ZNF804A: variants seen among roughly 807,000 people sequenced by gnomAD.
The protein encoded by ZNF804A is zinc finger protein 804A.
Under a neutral mutation model 16.5 loss-of-function variants are expected in ZNF804A, and 2 were observed. That is an observed-to-expected ratio of 0.12 (90% CI 0.05 to 0.38). The LOEUF is 0.38. Ranked by LOEUF, ZNF804A falls within the 10% of genes least tolerant of loss-of-function variation. The probability of loss-of-function intolerance (pLI) is 0.99; values close to 1 mark genes in which losing one functional copy is unlikely to be tolerated. For synonymous variants in ZNF804A, 534 were observed against 489.6 expected (o/e 1.09, Z -1.20); for missense variants, 1,473 against 1,390.7 (o/e 1.06, Z -0.94).
At chr2:184,648,885 G>T (rs2105698993) in intron 1 of ZNF804A, among the ~76,000 whole-genome samples, 1 of 152,196 alleles carries the variant, frequency 6.6e-6, no homozygotes. Flanking sequence ...TATTGAGGCA[G>T]AAAATTAACA....
intron 1 of ZNF804A, among the ~76,000 whole-genome samples, chr2:184,741,963 C>T (rs979210089): frequency 2.0e-5 from 3 of 151,924 alleles, no homozygotes; most frequent in African/African-American, 7.2e-5. Context: ...TCATTTTGCA[C>T]TTGTTTATAA....
At chr2:184,797,947 G>A (rs1328380519) in intron 1 of ZNF804A, among the ~76,000 whole-genome samples, 1 of 151,486 alleles carries the variant, frequency 6.6e-6, no homozygotes, top group Non-Finnish European at 1.5e-5. Context: ...GAAAAAGACT[G>A]TATCTTTCTT....
intron 1 of ZNF804A, among the ~76,000 whole-genome samples, chr2:184,838,062 A>G (rs1162355891): frequency 6.6e-6 from 1 of 152,144 alleles, no homozygotes; most frequent in Non-Finnish European, 1.5e-5. Context: ...GCAGGAGTGC[A>G]CGTGGGAGCC....
rs1427338428 is a variant in ZNF804A at position 184,936,914 on chromosome 2, A to G, written c.1518A>G (p.Glu506=). Residue 506 remains glutamate, a synonymous_variant, in exon 4 of 4, where the codon GAA becomes GAG. Coordinates refer to ENST00000302277, the MANE Select transcript of ZNF804A (RefSeq NM_194250.2). ...CAGATTACAAGGATGTATCTACAGA[A>G]GGACTCACTGATTATGAAATTGGAA... The part of the protein sequence containing the change: ...PLSDYKDVST[E]GLTDYEIGSS... 1 of 1,613,968 alleles carries G rather than the reference A, an allele frequency of 6.2e-7. No individual in the cohort carries two copies. The highest frequency in any genetic ancestry group is 1.7e-5 in the Admixed American group (1 of 59,988).
intron 1 of ZNF804A, among the ~76,000 whole-genome samples, chr2:184,728,141 C>T (rs536537524): frequency 1.4e-4 from 21 of 151,700 alleles, no homozygotes; most frequent in African/African-American, 5.1e-4. Flanking sequence ...AAGGTATTTA[C>T]ACATGCTGCT....
intron 2 of ZNF804A, among the ~76,000 whole-genome samples, chr2:184,921,082 G>C (rs891839816): frequency 6.6e-6 from 1 of 152,086 alleles, no homozygotes; most frequent in Non-Finnish European, 1.5e-5. Context: ...GGCCTGGTTG[G>C]TGGGACCACA....
chr2:184,760,255 T>C (rs1284445241), intron 1 of ZNF804A, among the ~76,000 whole-genome samples: 2 of 152,108 alleles, frequency 1.3e-5, no homozygotes, highest in African/African-American at 4.8e-5. Flanking sequence ...TAAATAAACA[T>C]GACTGTTTAT....
At chr2:184,806,347 T>C (rs888927260) in intron 1 of ZNF804A, among the ~76,000 whole-genome samples, 1 of 151,938 alleles carries the variant, frequency 6.6e-6, no homozygotes, top group South Asian at 2.1e-4. Context: ...ATTTAATATG[T>C]TTTTTAGAAT....
Position 184,937,295 on chromosome 2 carries a change from T to C in ZNF804A, c.1899T>C (p.Tyr633=). 1 of 1,613,972 alleles carries C rather than the reference T, an allele frequency of 6.2e-7. No individual in the cohort carries two copies. The highest frequency in any genetic ancestry group is 8.5e-7 in the Non-Finnish European group (1 of 1,179,942). The part of the protein sequence containing the change: ...ENSYTENAGK[Y]LLEPISEKQY... ...GTTACACTGAAAATGCTGGGAAATATCTATTGGAACCAATTTCAGAAAAGC... is the reference window on the plus strand; with the variant it reads ...GTTACACTGAAAATGCTGGGAAATACCTATTGGAACCAATTTCAGAAAAGC... The change falls in exon 4 of 4, where the codon TAT becomes TAC. Residue 633 remains tyrosine (Y), a synonymous_variant. Coordinates refer to ENST00000302277, the MANE Select transcript of ZNF804A (RefSeq NM_194250.2).
intron 2 of ZNF804A, among the ~76,000 whole-genome samples, chr2:184,878,744 G>A (rs1450666517): frequency 1.3e-5 from 2 of 152,008 alleles, no homozygotes; most frequent in African/African-American, 2.4e-5. Flanking sequence ...TTTCACATTT[G>A]TGATGTATAG....
At chr2:184,605,427 C>T (rs1375752445) in intron 1 of ZNF804A, among the ~76,000 whole-genome samples, 1 of 152,000 alleles carries the variant, frequency 6.6e-6, no homozygotes, top group Admixed American at 6.5e-5. Flanking sequence ...GAAAATGTTA[C>T]AATACATAGT....
At chr2:184,770,063 A>G (rs1481506710) in intron 1 of ZNF804A, among the ~76,000 whole-genome samples, 1 of 152,126 alleles carries the variant, frequency 6.6e-6, no homozygotes, top group Admixed American at 6.6e-5. Context: ...TATACAGTTT[A>G]TCATCAACCT....
At chr2:184,801,202 T>A (rs1376724725) in intron 1 of ZNF804A, among the ~76,000 whole-genome samples, 1 of 152,164 alleles carries the variant, frequency 6.6e-6, no homozygotes, top group Non-Finnish European at 1.5e-5. Flanking sequence ...TAATCGGTAT[T>A]GTGTTTCATC....
At position 184,936,371 on chromosome 2, in the gene ZNF804A, T is replaced by C. The variant is rs1169646014; in HGVS notation, c.975T>C (p.Cys325=). The change falls in exon 4 of 4, where the codon TGT becomes TGC. Residue 325 remains cysteine, a synonymous_variant. Coordinates refer to ENST00000302277, the MANE Select transcript of ZNF804A (RefSeq NM_194250.2). The stretch of plus-strand genomic sequence containing the variant: ...AGTTATCTTCTGATGCAGATAATTG[T>C]CAAAATTCAGTCCCATTAGCAGATC... ...QLQLSSDADN[C]QNSVPLADQI... 6.2e-7 allele frequency: 1 copy of C among 1,614,042 alleles called. No homozygotes were observed. Among genetic ancestry groups the C allele is most frequent in the Non-Finnish European group, 8.5e-7 (1 of 1,179,962 alleles).
intron 2 of ZNF804A, among the ~76,000 whole-genome samples, chr2:184,913,794 T>C (rs1287427647): frequency 6.6e-6 from 1 of 152,144 alleles, no homozygotes; most frequent in African/African-American, 2.4e-5. Context: ...CAATAATAGT[T>C]TCTAAACATC....
intron 1 of ZNF804A, among the ~76,000 whole-genome samples, chr2:184,674,203 A>G (rs6728764): frequency 0.4 from 60,149 of 151,820 alleles, 12,921 homozygotes; most frequent in African/African-American, 0.57. Flanking sequence ...TAATGTTAAA[A>G]AATATTAAAT....
Position 184,679,747 on chromosome 2 carries a change from G to A in ZNF804A, c.111+80677G>A, listed in dbSNP as rs77519010. ...CCAGAATTTGGGCCCCGATGAGCAT[G>A]GGAAGAAGGTAGAGAAGGGGCTAAG... On this transcript the variant is annotated intron_variant, in intron 1 of 3. Transcript: ENST00000302277. Among the ~76,000 whole-genome samples the A allele has an allele frequency of 5.4e-3, 823 of 152,268 alleles. 17 individuals are homozygous for A. The highest frequency in any genetic ancestry group is 0.026 in the East Asian group (137 of 5,172).
At chr2:184,935,608 A>C (rs1457112502) in intron 3 of ZNF804A, among the ~76,000 whole-genome samples, 175 bp from the exon 4 acceptor site, 1 of 152,238 alleles carries the variant, frequency 6.6e-6, no homozygotes. Context: ...GTAACCAACA[A>C]GTAAATGATA....
intron 1 of ZNF804A, among the ~76,000 whole-genome samples, chr2:184,827,497 A>T (rs6736418): frequency 0.018 from 2,619 of 146,382 alleles, 82 homozygotes; most frequent in African/African-American, 0.061. Context: ...TATATATAAA[A>T]ATATATATAT....
Sources: gnomAD v4.1 joint callset for allele counts (sites outside exome capture counted in the v4.1 genomes callset) on GRCh38, gnomAD v4.1.1 for gene constraint, MANE v1.5 for transcripts, NCBI Gene and HGNC (gene_info 2026-07-23, HGNC 2026-07-21) for gene names.